The following CSTPP1 variants were observed in gnomAD, a reference collection of about 807,000 sequenced individuals.
The protein encoded by CSTPP1 is UPF0705 protein C11orf49.
At chr11:47,032,515 T>C in the CSTPP1 span, among the ~76,000 whole-genome samples, 1 of 152,182 alleles carries the variant, frequency 6.6e-6, no homozygotes, top group Non-Finnish European at 1.5e-5. Flanking sequence ...GACCATTTCA[T>C]CTTAATTATA....
At chr11:47,046,660 C>CTTTTTTTTTTTTT in the CSTPP1 span, among the ~76,000 whole-genome samples, 3 of 79,734 alleles carry the variant, frequency 3.8e-5, no homozygotes, top group Non-Finnish European at 6.6e-5. Context: ...ATCTTCTTTT[C>CTTTTTTTTTTTTT]TTTTTTTTTT....
the CSTPP1 span, among the ~76,000 whole-genome samples, chr11:47,124,914 C>T: frequency 1.3e-5 from 2 of 152,202 alleles, no homozygotes; most frequent in East Asian, 3.9e-4. Context: ...ATTTGGTTCA[C>T]ATTTTTATTA....
At chr11:47,141,242 C>T in the CSTPP1 span, among the ~76,000 whole-genome samples, 1 of 152,138 alleles carries the variant, frequency 6.6e-6, no homozygotes, top group South Asian at 2.1e-4. Flanking sequence ...CACCCCTTAG[C>T]CATTACTCTT....
the CSTPP1 span, among the ~76,000 whole-genome samples, chr11:47,056,014 C>T: frequency 1.4e-3 from 211 of 152,300 alleles, 2 homozygotes; most frequent in Admixed American, 0.013. Context: ...GTCCCTCACT[C>T]AGTCAGCAAA....
chr11:46,952,528 G>A, the CSTPP1 span, among the ~76,000 whole-genome samples: 1 of 152,162 alleles, frequency 6.6e-6, no homozygotes, highest in Non-Finnish European at 1.5e-5. Context: ...CCTACTCAAG[G>A]CAAGTTGTAT....
chr11:46,966,082 C>G, the CSTPP1 span, among the ~76,000 whole-genome samples: 1 of 152,098 alleles, frequency 6.6e-6, no homozygotes, highest in Non-Finnish European at 1.5e-5. Flanking sequence ...CTTGCTGTGT[C>G]ACCAGGCTGG....
the CSTPP1 span, among the ~76,000 whole-genome samples, chr11:47,112,161 T>C: frequency 6.6e-6 from 1 of 152,248 alleles, no homozygotes; most frequent in Middle Eastern, 3.4e-3. Flanking sequence ...AGTGTTACCT[T>C]CTCCATTAAA....
the CSTPP1 span, among the ~76,000 whole-genome samples, chr11:47,039,589 A>G: frequency 7.8e-6 from 1 of 127,566 alleles, no homozygotes; most frequent in Non-Finnish European, 1.9e-5. Context: ...CTGTAATCCC[A>G]GCACTTCGGG....
the CSTPP1 span, among the ~76,000 whole-genome samples, chr11:47,013,633 T>C: frequency 1.3e-5 from 2 of 152,244 alleles, no homozygotes; most frequent in African/African-American, 4.8e-5. Flanking sequence ...CCACATTTTC[T>C]TTATGCAGTC....
the CSTPP1 span, among the ~76,000 whole-genome samples, chr11:46,984,675 C>T: frequency 6.6e-6 from 1 of 150,922 alleles, no homozygotes; most frequent in Non-Finnish European, 1.5e-5. Context: ...AACTTTGAGT[C>T]CCTGGAGCTA....
chr11:47,160,526 A>T, the CSTPP1 span: 3 of 153,240 alleles, frequency 2.0e-5, no homozygotes, highest in African/African-American at 7.2e-5. Flanking sequence ...GGGTTCTATG[A>T]GATGTACTTT....
the CSTPP1 span, among the ~76,000 whole-genome samples, chr11:46,998,850 C>T: frequency 6.6e-6 from 1 of 152,158 alleles, no homozygotes; most frequent in Non-Finnish European, 1.5e-5. Flanking sequence ...ATTCTCCCGC[C>T]TCAGCCTCCC....
At chr11:46,962,180 A>G in the CSTPP1 span, among the ~76,000 whole-genome samples, 4 of 152,302 alleles carry the variant, frequency 2.6e-5, no homozygotes, top group Admixed American at 6.5e-5. Flanking sequence ...ACAGTTCAAG[A>G]TGAGATTTGG....
chr11:47,022,424 C>CAGTGTAT, the CSTPP1 span, among the ~76,000 whole-genome samples: 1 of 114,672 alleles, frequency 8.7e-6, no homozygotes, highest in Non-Finnish European at 1.6e-5. Context: ...GACTGGAGTA[C>CAGTGTAT]AGTGGTGTGA....
the CSTPP1 span, among the ~76,000 whole-genome samples, chr11:47,023,982 C>T: frequency 2.0e-5 from 3 of 152,046 alleles, no homozygotes; most frequent in Admixed American, 1.3e-4. Context: ...AGTGGAATTA[C>T]TGAATTATAT....
At chr11:47,052,211 T>C in the CSTPP1 span, 634 of 695,672 alleles carry the variant, frequency 9.1e-4, 1 homozygote, top group Admixed American at 1.4e-3. Context: ...CGGAAAGGTA[T>C]GGTTATATGA....
At chr11:47,154,740 T>G in the CSTPP1 span, among the ~76,000 whole-genome samples, 1 of 152,222 alleles carries the variant, frequency 6.6e-6, no homozygotes, top group African/African-American at 2.4e-5. Flanking sequence ...TAGCTGTTCT[T>G]TTTGCCTTTT....
At chr11:46,963,784 CAAAAA>C in the CSTPP1 span, among the ~76,000 whole-genome samples, 1 of 105,270 alleles carries the variant, frequency 9.5e-6, no homozygotes, top group Non-Finnish European at 2.1e-5. Context: ...GACTCTGTAT[CAAAAA>C]AAAAAAAAAA....
chr11:47,163,783 G>C, the CSTPP1 span, among the ~76,000 whole-genome samples: 2 of 151,990 alleles, frequency 1.3e-5, no homozygotes, highest in Non-Finnish European at 2.9e-5. Flanking sequence ...TAGGATTACA[G>C]GCATGCACCA....
Sources: allele counts gnomAD v4.1 joint callset (sites outside exome capture counted in the v4.1 genomes callset), GRCh38; gene constraint gnomAD v4.1.1; transcripts MANE v1.5; gene names NCBI Gene and HGNC (gene_info 2026-07-23, HGNC 2026-07-21).